Variants in SPSB2 observed in about 807,000 individuals in gnomAD.
The protein encoded by SPSB2 is splA/ryanodine receptor domain and SOCS box containing 2, also known as SPRY domain-containing SOCS box protein 2.
Under a neutral mutation model 19.2 loss-of-function variants are expected in SPSB2, and 25 were observed. The observed-to-expected ratio is 1.30, with a 90% CI of 0.95 to 1.82. The LOEUF is 1.82. Among genes scored for constraint, SPSB2 ranks in the 40% most tolerant of loss-of-function variants. The probability of loss-of-function intolerance (pLI) is 0.00; values close to 1 mark genes in which losing one functional copy is unlikely to be tolerated. For missense variants in SPSB2, 413 were observed against 344.9 expected (o/e 1.20, Z -1.56); for synonymous variants, 153 against 154.9 (o/e 0.99, Z 0.09).
At position 6,872,931 on chromosome 12, in the gene SPSB2, A is replaced by G. The variant is rs1214078865; in HGVS notation, c.-30T>C. On this transcript the variant is annotated 5_prime_UTR_variant, in exon 2 of 3. Transcript: ENST00000524270. ...GTGAGGAGCTAGAGGACTCCCCGAA[A>G]GAGGCTTGCTGGGGCGTCTTTCTCT... 4 of 1,473,448 alleles carry G rather than the reference A, an allele frequency of 2.7e-6. No homozygotes were observed. Among genetic ancestry groups the G allele is most frequent in the South Asian group, 1.3e-5 (1 of 76,148 alleles). The allele number at this position is 1,473,448 out of a possible 1,614,324, so 91.3% of individuals were successfully genotyped here.
At chr12:6,871,951 C>A in intron 2 of SPSB2, 1 of 1,422,236 alleles carries the variant, frequency 7.0e-7, no homozygotes, top group Non-Finnish European at 9.2e-7. Flanking sequence ...GGGTTGATAT[C>A]TCCTGAATTC....
chr12:6,871,773 C>T (rs1944599494), intron 2 of SPSB2: 1 of 380,986 alleles, frequency 2.6e-6, no homozygotes, highest in Non-Finnish European at 4.8e-6. Context: ...CCCAGGGCCC[C>T]AGTGTCTCCA....
In SPSB2 at chr12:6,872,323, T is replaced by A. The variant is rs369078071; in HGVS notation, c.579A>T (p.Gly193=). 1.6e-5 allele frequency: 26 copies of A among 1,614,030 alleles called. No homozygotes were observed. Among genetic ancestry groups the A allele is most frequent in the Non-Finnish European group, 2.0e-5 (24 of 1,180,022 alleles). The change falls in exon 2 of 3, where the codon GGA becomes GGT. Residue 193 remains glycine (G), a synonymous_variant. Coordinates refer to ENST00000524270, the MANE Select transcript of SPSB2 (RefSeq NM_032641.4). The part of the protein sequence containing the change: ...GGTYLGPAFR[G]LKGRTLYPAV... ...CCGGATAGAGGGTCCTGCCCTTCAG[T>A]CCGCGGAATGCTGGCCCCAGGTAGG...
rs1555133851 is a variant in SPSB2 at position 6,872,466 on chromosome 12, C to T, written c.436G>A (p.Gly146Arg). 1.9e-6 allele frequency: 3 copies of T among 1,614,044 alleles called. No homozygotes were observed. Among genetic ancestry groups the T allele is most frequent in the African/African-American group, 1.3e-5 (1 of 75,066 alleles). Residue 146 changes from glycine (G) to arginine (R), a missense_variant, in exon 2 of 3, where the codon GGG becomes AGG. By Grantham distance (125) the Gly-to-Arg change is moderately radical (BLOSUM62 -2). Coordinates refer to ENST00000524270, the MANE Select transcript of SPSB2 (RefSeq NM_032641.4). ...GRGKLYHQSK[G>R]PGAPQYPAGT... ...GCTGGATACTGGGGGGCTCCGGGCC[C>T]CTTGCTCTGATGGTACAGCTTCCCC...
intron 2 of SPSB2, chr12:6,871,823 CAG>C (rs1944600833): frequency 4.0e-6 from 2 of 504,412 alleles, no homozygotes; most frequent in African/African-American, 3.8e-5. Context: ...GTATGTGGCA[CAG>C]AGACAGGTTA....
Position 6,872,495 on chromosome 12 carries a change from C to A in SPSB2, c.407G>T (p.Gly136Val). The change falls in exon 2 of 3, where the codon GGG becomes GTG. Residue 136 changes from glycine (G) to valine (V), a missense_variant. Physicochemically the swap from Gly to Val is moderately radical, Grantham distance 109. Transcript: ENST00000524270. ...SNSESWGWDIGRGKLYHQSKG... is the reference protein window; with the variant it reads ...SNSESWGWDIVRGKLYHQSKG... ...GCTCTGATGGTACAGCTTCCCCCGC[C>A]CGATGTCCCAGCCCCACGACTCGCT... 6.2e-7 allele frequency: 1 copy of A among 1,612,980 alleles called. No individual in the cohort carries two copies. The highest frequency in any genetic ancestry group is 8.5e-7 in the Non-Finnish European group (1 of 1,179,834).
chr12:6,873,050 G>C (rs1026981635), intron 1 of SPSB2, 53 bp from the exon 2 acceptor site: 8 of 599,298 alleles, frequency 1.3e-5, no homozygotes, highest in Admixed American at 6.1e-5. Flanking sequence ...TCGTCACCCA[G>C]GTACCCCATC....
chr12:6,873,205 T>G, intron 1 of SPSB2, 41 bp downstream of exon 1: 1 of 302,074 alleles, frequency 3.3e-6, no homozygotes, highest in African/African-American at 2.2e-5. Flanking sequence ...GCATGGACCA[T>G]CCCCCTTACT....
In SPSB2 at chr12:6,872,760, A is replaced by G. The variant is rs1944624805; in HGVS notation, c.142T>C (p.Trp48Arg). The change falls in exon 2 of 3, where the codon TGG becomes CGG. Residue 48 changes from tryptophan to arginine, a missense_variant. Physicochemically the swap from Trp to Arg is moderately radical, Grantham distance 101. Coordinates refer to ENST00000524270, the MANE Select transcript of SPSB2 (RefSeq NM_032641.4). The part of the protein sequence containing the change: ...PDLGAQRRHG[W>R]NPKDCSENIE... ...TTCTCTGAACAGTCTTTGGGGTTCCAACCGTGGCGCCGCTGGGCCCCCAGG... is the reference window on the plus strand; with the variant it reads ...TTCTCTGAACAGTCTTTGGGGTTCCGACCGTGGCGCCGCTGGGCCCCCAGG... 1 of 1,612,520 alleles carries G rather than the reference A, an allele frequency of 6.2e-7. No individual in the cohort carries two copies. Among genetic ancestry groups the G allele is most frequent in the Admixed American group, 1.7e-5 (1 of 60,012 alleles).
At chr12:6,871,977 TCCTC>T (rs1436069032) in intron 2 of SPSB2, 15 of 1,448,834 alleles carry the variant, frequency 1.0e-5, no homozygotes, top group Non-Finnish European at 1.4e-5. Context: ...TCCCTGCAGT[TCCTC>T]CCTCCATTCT....
At chr12:6,872,021 C>A (rs1158357043) in intron 2 of SPSB2, 6 of 1,470,952 alleles carry the variant, frequency 4.1e-6, no homozygotes, top group Non-Finnish European at 5.4e-6. Context: ...GCCAAGAGAA[C>A]TTGAGAAAGT....
At position 6,873,246 on chromosome 12, in the gene SPSB2, C is replaced by A. The variant is rs145381141; in HGVS notation, c.-97G>T. 1,377 of 226,180 alleles carry A rather than the reference C, an allele frequency of 6.1e-3. 13 individuals carry two copies. Among genetic ancestry groups the A allele is most frequent in the African/African-American group, 0.025 (1,091 of 44,204 alleles). 14.0% of individuals were successfully genotyped at this position (226,180 alleles called of 1,614,324 possible). ...GGAGCCCTCGCCGCTGCCCCCGAAC[C>A]TCGGTTGACTTCCCAGCCCTGGAGG... On this transcript the variant is annotated splice_region_variant and 5_prime_UTR_variant, in exon 1 of 3. Coordinates refer to ENST00000524270, the MANE Select transcript of SPSB2 (RefSeq NM_032641.4).
At chr12:6,871,675 G>A (rs1259551118) in intron 2 of SPSB2, 5 of 361,034 alleles carry the variant, frequency 1.4e-5, no homozygotes, top group African/African-American at 1.0e-4. Flanking sequence ...GCAGCTCCAA[G>A]CCCTGGACCC....
chr12:6,872,062 C>A, intron 2 of SPSB2, 176 bp downstream of exon 2: 1 of 1,553,912 alleles, frequency 6.4e-7, no homozygotes, highest in African/African-American at 1.4e-5. Flanking sequence ...ACCTCTATTG[C>A]TGTTGGGTTA....
chr12:6,871,659 C>T (rs782761932), intron 2 of SPSB2: 2 of 393,724 alleles, frequency 5.1e-6, no homozygotes, highest in African/African-American at 4.1e-5. Flanking sequence ...CACACAACTG[C>T]AGAGAGCAGC....
chr12:6,871,865 G>A (rs1242985765), intron 2 of SPSB2: 5 of 737,278 alleles, frequency 6.8e-6, no homozygotes, highest in African/African-American at 1.8e-5. Context: ...TACAGCCTGG[G>A]TACCTGGCTC....
chr12:6,871,327 A>G lies in SPSB2; in HGVS notation c.665-8T>C, dbSNP rs1425018514. 4 of 1,610,794 alleles carry G rather than the reference A, an allele frequency of 2.5e-6. No homozygotes were observed. In the Admixed American group the frequency reaches 5.0e-5, roughly 20 times the overall value. On this transcript the variant is annotated splice_polypyrimidine_tract_variant and splice_region_variant and intron_variant, in intron 2 of 2. Coordinates refer to ENST00000524270, the MANE Select transcript of SPSB2 (RefSeq NM_032641.4). ...GAAGGGAGTGTGGCTCCGCTGGGAGAGAGAAGGAGGGGAATGTAAGTATGG... is the reference window on the plus strand; with the variant it reads ...GAAGGGAGTGTGGCTCCGCTGGGAGGGAGAAGGAGGGGAATGTAAGTATGG...
At chr12:6,871,419 T>C in intron 2 of SPSB2, 100 bp from the exon 3 acceptor site, 2 of 1,331,482 alleles carry the variant, frequency 1.5e-6, no homozygotes, top group Non-Finnish European at 2.0e-6. Flanking sequence ...GCTTTCCTGC[T>C]TCGAGTGTGC....
intron 2 of SPSB2, chr12:6,871,939 A>G (rs868943947): frequency 2.2e-6 from 3 of 1,386,792 alleles, no homozygotes; most frequent in Admixed American, 2.9e-5. Context: ...CCTCTTGCTC[A>G]GGGGTTGATA....
Sources: allele counts gnomAD v4.1 joint callset, GRCh38; gene constraint gnomAD v4.1.1; transcripts MANE v1.5; gene names NCBI Gene and HGNC (gene_info 2026-07-23, HGNC 2026-07-21).